The following CPEB4 variants were observed in gnomAD, a reference collection of about 807,000 sequenced individuals.
The protein encoded by CPEB4 is cytoplasmic polyadenylation element-binding protein 4.
In CPEB4, 12 loss-of-function variants were observed where a neutral mutation model predicts 72.5. That is an observed-to-expected ratio of 0.17 (90% CI 0.11 to 0.27). The LOEUF (loss-of-function observed/expected upper bound fraction) is 0.27, where lower values mean the gene tolerates loss of function less well. CPEB4 is among the 10% of genes least tolerant of loss of function. CPEB4 has a pLI of 1.00. For missense variants in CPEB4, 614 were observed against 908.5 expected (o/e 0.68, Z 4.17); for synonymous variants, 302 against 326.3 (o/e 0.93, Z 0.80).
chr5:173,940,244 A>G (rs766805058), intron 3 of CPEB4, among the ~76,000 whole-genome samples: 5 of 152,228 alleles, frequency 3.3e-5, no homozygotes, highest in Non-Finnish European at 5.9e-5. Context: ...TGAAGAGTCT[A>G]CTTTTTGGTA....
chr5:173,900,075 C>T lies in CPEB4; in HGVS notation c.1125+9217C>T, dbSNP rs758958128. Among the ~76,000 whole-genome samples, 9 of 151,920 alleles carry T rather than the reference C, an allele frequency of 5.9e-5. No homozygotes were observed. The highest frequency in any genetic ancestry group is 1.2e-4 in the Non-Finnish European group (8 of 67,996). On this transcript the variant is annotated intron_variant, in intron 1 of 9. Coordinates refer to ENST00000265085, the MANE Select transcript of CPEB4 (RefSeq NM_030627.4). The surrounding 1 kb of genome is among the most constrained non-coding windows in gnomAD (Gnocchi z 4.4). ...CTGTCAAGGCTCACAGAAGAGATGT[C>T]GAGGGTTACAAGACATAAGCTTCAG...
intron 2 of CPEB4, among the ~76,000 whole-genome samples, chr5:173,917,604 T>C (rs1260132696): frequency 6.6e-6 from 1 of 152,200 alleles, no homozygotes; most frequent in Non-Finnish European, 1.5e-5. Context: ...CGGGCGCCTG[T>C]AATCCCAGCT....
At chr5:173,904,481 G>A (rs1756352422) in intron 1 of CPEB4, among the ~76,000 whole-genome samples, 1 of 152,124 alleles carries the variant, frequency 6.6e-6, no homozygotes, top group African/African-American at 2.4e-5. Context: ...TATGGTTTTA[G>A]TACCTCTGAT....
chr5:173,908,920 C>T (rs1359657938), intron 1 of CPEB4, among the ~76,000 whole-genome samples: 3 of 151,938 alleles, frequency 2.0e-5, no homozygotes, highest in African/African-American at 7.3e-5. Flanking sequence ...TTGCAGTGGC[C>T]TTTGTGTGTT....
intron 2 of CPEB4, among the ~76,000 whole-genome samples, chr5:173,925,802 G>T (rs1757223770): frequency 6.6e-6 from 1 of 152,200 alleles, no homozygotes; most frequent in African/African-American, 2.4e-5. Context: ...AACAAAATTA[G>T]CAGGAGCAGA....
In CPEB4 at chr5:173,961,870, T is replaced by A. The variant is rs1398326479; in HGVS notation, c.*5733T>A. The A allele has an allele frequency of 1.3e-5, 2 of 151,470 alleles. No individual in the cohort carries two copies. The highest frequency in any genetic ancestry group is 2.9e-5 in the Non-Finnish European group (2 of 67,870). 9.4% of individuals were successfully genotyped at this position (151,470 alleles called of 1,614,324 possible). ...TCTGAAATGTGTAATAACCGAATAA[T>A]AAACAAGACAAAACTCTAATATTTC... On this transcript the variant is annotated 3_prime_UTR_variant, in exon 10 of 10. Transcript: ENST00000265085.
chr5:173,952,722 T>A (rs906169861), intron 8 of CPEB4, among the ~76,000 whole-genome samples: 2 of 152,190 alleles, frequency 1.3e-5, no homozygotes, highest in African/African-American at 4.8e-5. Context: ...CATTATTAAC[T>A]GGTAAATCTA....
At position 173,957,645 on chromosome 5, in the gene CPEB4, T is replaced by C. The variant is rs1758421228; in HGVS notation, c.*1508T>C. The C allele has an allele frequency of 6.5e-6, 1 of 152,790 alleles. No homozygotes were observed. Among genetic ancestry groups the C allele is most frequent in the African/African-American group, 2.4e-5 (1 of 41,468 alleles). The allele number at this position is 152,790 out of a possible 1,614,324, so 9.5% of individuals were successfully genotyped here. On this transcript the variant is annotated 3_prime_UTR_variant, in exon 10 of 10. Coordinates refer to ENST00000265085, the MANE Select transcript of CPEB4 (RefSeq NM_030627.4). ...TGACATTCTCTTATTAAATGCCCTA[T>C]CCATCATTAAAAGGTTTATTATCAG...
intron 4 of CPEB4, 124 bp from the exon 5 acceptor site, chr5:173,944,843 A>C: frequency 2.5e-6 from 2 of 806,354 alleles, no homozygotes; most frequent in South Asian, 3.5e-5. Flanking sequence ...AAGTGTTTCT[A>C]TTATTCAGTG....
In CPEB4 at chr5:173,944,972, T is replaced by A. The variant is rs1220924727; in HGVS notation, c.1288T>A (p.Ser430Thr). 6.2e-7 allele frequency: 1 copy of A among 1,612,046 alleles called. No individual in the cohort carries two copies. Among genetic ancestry groups the A allele is most frequent in the Non-Finnish European group, 8.5e-7 (1 of 1,178,564 alleles). ...TTCCCTGCTTTCTATTCCAGGTCAGTCTTCACTGTTTCCAATGGAAGATGG... is the reference window on the plus strand; with the variant it reads ...TTCCCTGCTTTCTATTCCAGGTCAGACTTCACTGTTTCCAATGGAAGATGG... The part of the protein sequence containing the change: ...ARTYGRRRGQ[S>T]SLFPMEDGFL... Residue 430 changes from serine (S) to threonine (T), a missense_variant, in exon 5 of 10, where the codon TCT (serine) becomes ACT (threonine). Transcript: ENST00000265085.
intron 5 of CPEB4, among the ~76,000 whole-genome samples, chr5:173,945,592 G>T (rs1024802277): frequency 6.6e-6 from 1 of 152,180 alleles, no homozygotes; most frequent in South Asian, 2.1e-4. Context: ...CTACAAGAAG[G>T]ATAATCTTAC....
rs1758446317 is a variant in CPEB4, at chr5:173,958,496, C to T, written c.*2359C>T. On this transcript the variant is annotated 3_prime_UTR_variant, in exon 10 of 10. Coordinates refer to ENST00000265085, the MANE Select transcript of CPEB4 (RefSeq NM_030627.4). ...GCTTTTTATACATTTCAGTGCTCTG[C>T]ATACATTTTAAATTATGAATGTCGT... The T allele has an allele frequency of 6.6e-6, 1 of 152,420 alleles. No individual in the cohort carries two copies. The highest frequency in any genetic ancestry group is 2.1e-4 in the South Asian group (1 of 4,832). 9.4% of individuals were successfully genotyped at this position (152,420 alleles called of 1,614,324 possible).
At chr5:173,936,075 G>C (rs903740244) in intron 3 of CPEB4, among the ~76,000 whole-genome samples, 1 of 152,068 alleles carries the variant, frequency 6.6e-6, no homozygotes, top group African/African-American at 2.4e-5. Flanking sequence ...ATTTTTTTGA[G>C]GGGCAATCTT....
rs1490349946 is a variant in CPEB4, at chr5:173,956,005, T to C, written c.2058T>C (p.Asn686=). The change falls in exon 10 of 10, where the codon AAT becomes AAC. Residue 686 remains asparagine, a synonymous_variant. Coordinates refer to ENST00000265085, the MANE Select transcript of CPEB4 (RefSeq NM_030627.4). ...GGKFAPFFCA[N]VTCLQYYCEY... Reference sequence around the variant, plus strand: ...AATTTGCTCCATTTTTCTGTGCTAATGTTACCTGTCTGCAGTATTACTGTG... The same window carrying C: ...AATTTGCTCCATTTTTCTGTGCTAACGTTACCTGTCTGCAGTATTACTGTG... 6.2e-7 allele frequency: 1 copy of C among 1,614,198 alleles called. No individual in the cohort carries two copies. Among genetic ancestry groups the C allele is most frequent in the Admixed American group, 1.7e-5 (1 of 60,020 alleles).
intron 2 of CPEB4, among the ~76,000 whole-genome samples, chr5:173,923,254 C>T (rs901073531): frequency 1.3e-5 from 2 of 152,154 alleles, no homozygotes; most frequent in Admixed American, 6.6e-5. Context: ...AGTTTTAATG[C>T]AACTTTTTAT....
In CPEB4 at chr5:173,950,628, T is replaced by A. The variant is rs1280170330; in HGVS notation, c.1665+550T>A. ...CAAAATAAAATAAAATAAAATAAAATAAAATAAAAAACCAGACTTCATTTG... is the reference window on the plus strand; with the variant it reads ...CAAAATAAAATAAAATAAAATAAAAAAAAATAAAAAACCAGACTTCATTTG... On this transcript the variant is annotated intron_variant, in intron 7 of 9. Transcript: ENST00000265085. The surrounding 1 kb of genome is among the most constrained non-coding windows in gnomAD (Gnocchi z 5.0). Among the ~76,000 whole-genome samples the A allele has an allele frequency of 2.0e-5, 3 of 150,344 alleles. No individual in the cohort carries two copies. The highest frequency in any genetic ancestry group is 4.4e-5 in the Non-Finnish European group (3 of 67,432).
At chr5:173,943,890 C>G (rs946721784) in intron 4 of CPEB4, among the ~76,000 whole-genome samples, 2 of 152,150 alleles carry the variant, frequency 1.3e-5, no homozygotes, top group Admixed American at 6.5e-5. Context: ...TCTAGAAGAT[C>G]CATTAACAAA....
chr5:173,952,346 A>G (rs1758240256), intron 8 of CPEB4, among the ~76,000 whole-genome samples: 3 of 152,210 alleles, frequency 2.0e-5, no homozygotes, highest in Admixed American at 6.5e-5. Flanking sequence ...GATTGTCAGT[A>G]TTTGTTTCCC....
Position 173,955,807 on chromosome 5 carries a change from AC to A in CPEB4, c.1963-101del. ...AATAATTAGTCCTTCCTCTTTGGGC[AC>A]CTTGGAACAGATTCATTCAGATAGT... On this transcript the variant is annotated intron_variant, in intron 9 of 9. Coordinates refer to ENST00000265085, the MANE Select transcript of CPEB4 (RefSeq NM_030627.4). The surrounding 1 kb of genome is among the most constrained non-coding windows in gnomAD (Gnocchi z 4.7). The A allele has an allele frequency of 1.2e-6, 1 of 857,352 alleles. No individual in the cohort carries two copies. The highest frequency in any genetic ancestry group is 1.8e-6 in the Non-Finnish European group (1 of 557,248). The allele number at this position is 857,352 out of a possible 1,614,324, so 53.1% of individuals were successfully genotyped here.
Sources: gnomAD v4.1 joint callset for allele counts (sites outside exome capture counted in the v4.1 genomes callset) on GRCh38, gnomAD v4.1.1 for gene constraint, Gnocchi (gnomAD v3.1) non-coding constraint, MANE v1.5 for transcripts, NCBI Gene and HGNC (gene_info 2026-07-23, HGNC 2026-07-21) for gene names.